Variants in CREBBP observed in about 807,000 individuals in gnomAD.
CREBBP encodes CREB-binding protein.
In CREBBP, 19 loss-of-function variants were observed where a neutral mutation model predicts 265.0. That is an observed-to-expected ratio of 0.07 (90% CI 0.05 to 0.11). The LOEUF (loss-of-function observed/expected upper bound fraction) is 0.11, where lower values mean the gene tolerates loss of function less well. CREBBP is among the 10% of genes least tolerant of loss of function. The pLI is 1.00. For synonymous variants in CREBBP, 1,457 were observed against 1,223.7 expected (o/e 1.19, Z -3.98); for missense variants, 2,525 against 3,219.0 (o/e 0.78, Z 5.22).
intron 2 of CREBBP, among the ~76,000 whole-genome samples, chr16:3,812,149 C>T (rs1271286314): frequency 6.6e-6 from 1 of 151,904 alleles, no homozygotes; most frequent in East Asian, 1.9e-4. Context: ...TTATAGTATC[C>T]TCTCTACCAC....
In CREBBP at chr16:3,728,206, C is replaced by A. The variant is rs866381658; in HGVS notation, c.6841G>T (p.Ala2281Ser). The change falls in exon 31 of 31, where the codon GCA becomes TCA. Residue 2281 changes from alanine to serine, a missense_variant. Transcript: ENST00000262367. This position sits in a 1 kb window ranked among gnomAD's most constrained non-coding sequence, Gnocchi z 8.7. ...TGCTGGATGTTGGGGGTGCTGTCTGCCCCCAGCCCCGGCTGCCCCATCTGG... is the reference window on the plus strand; with the variant it reads ...TGCTGGATGTTGGGGGTGCTGTCTGACCCCAGCCCCGGCTGCCCCATCTGG... ...LGQMGQPGLG[A>S]DSTPNIQQAL... 6.2e-7 allele frequency: 1 copy of A among 1,613,678 alleles called. No individual in the cohort carries two copies. The highest frequency in any genetic ancestry group is 1.3e-5 in the African/African-American group (1 of 75,026).
In CREBBP at chr16:3,828,532, C is replaced by A. The variant is rs146574414; in HGVS notation, c.799-17753G>T. ...TCTAAAAAGGAATAAGCAGTAAATT[C>A]TTTCATTTGACAAAAATACTCCTGG... On this transcript the variant is annotated intron_variant, in intron 2 of 30. Coordinates refer to ENST00000262367, the MANE Select transcript of CREBBP (RefSeq NM_004380.3). 1.3e-3 allele frequency among the ~76,000 whole-genome samples: 193 copies of A among 152,324 alleles called. 4 individuals are homozygous for A. In the East Asian group the frequency reaches 0.033, roughly 26 times the overall value.
Position 3,792,206 on chromosome 16 carries a change from A to C in CREBBP, c.1217-112T>G. The C allele has an allele frequency of 3.3e-6, 3 of 910,714 alleles. No homozygotes were observed. The East Asian group carries it at 7.6e-5, about 23-fold the overall frequency. 56.4% of individuals were successfully genotyped at this position (910,714 alleles called of 1,614,324 possible). A position where few individuals can be genotyped will look rare whatever the true frequency, so the allele number is the denominator to read the frequency against. The stretch of plus-strand genomic sequence containing the variant: ...TAAGAAAATGGTAACAAGTGTAACC[A>C]TAACACAGTATAGGCAGTCCTCAAC... On this transcript the variant is annotated intron_variant, in intron 4 of 30. Coordinates refer to ENST00000262367, the MANE Select transcript of CREBBP (RefSeq NM_004380.3).
intron 2 of CREBBP, among the ~76,000 whole-genome samples, chr16:3,849,441 GTGTGTGTGTGT>G (rs1567360471): frequency 0.016 from 285 of 17,944 alleles, 14 homozygotes; most frequent in South Asian, 0.03. Context: ...GTGTGTGTGT[GTGTGTGTGTGT>G]GTGTGTGTGT....
chr16:3,843,944 C>T (rs898926506), intron 2 of CREBBP, among the ~76,000 whole-genome samples: 9 of 151,060 alleles, frequency 6.0e-5, no homozygotes, highest in African/African-American at 1.7e-4. Flanking sequence ...GTCAGGAGAT[C>T]GAGACCATCC....
intron 17 of CREBBP, 108 bp from the exon 18 acceptor site, chr16:3,758,156 A>G (rs573674595): frequency 8.5e-7 from 1 of 1,170,476 alleles, no homozygotes; most frequent in East Asian, 2.5e-5. Context: ...GCACCAAAAT[A>G]ACTTCCATTC....
At chr16:3,774,006 T>G (rs1259221412) in intron 12 of CREBBP, 76 bp from the exon 13 acceptor site, 79 of 1,521,876 alleles carry the variant, frequency 5.2e-5, no homozygotes, top group Non-Finnish European at 2.3e-5. Flanking sequence ...GCCAGAATGA[T>G]CCAAGGCTTC....
chr16:3,773,531 C>A, intron 13 of CREBBP: 1 of 566,318 alleles, frequency 1.8e-6, no homozygotes. Flanking sequence ...AAATCCATTC[C>A]CACTTTTGCA....
intron 10 of CREBBP, 133 bp from the exon 11 acceptor site, chr16:3,777,790 T>G (rs2053179635): frequency 3.5e-6 from 4 of 1,132,378 alleles, no homozygotes; most frequent in Non-Finnish European, 3.9e-6. Flanking sequence ...CAAAAGCACG[T>G]GTGTTCCAAT....
rs747940865 is a variant in CREBBP at position 3,845,614 on chromosome 16, G to A, written c.798+4683C>T. Among the ~76,000 whole-genome samples the A allele has an allele frequency of 5.3e-5, 8 of 152,202 alleles. No homozygotes were observed. In the East Asian group the frequency reaches 7.7e-4, roughly 15 times the overall value. ...TTAAAGATTCAAGGAGGCCAGACACGGTGGCTCACGCCTGCAATCCCAGCA... is the reference window on the plus strand; with the variant it reads ...TTAAAGATTCAAGGAGGCCAGACACAGTGGCTCACGCCTGCAATCCCAGCA... On this transcript the variant is annotated intron_variant, in intron 2 of 30. Transcript: ENST00000262367.
chr16:3,738,464 G>A (rs1033919144), intron 26 of CREBBP, 95 bp downstream of exon 26: 34 of 790,984 alleles, frequency 4.3e-5, no homozygotes, highest in African/African-American at 3.5e-4. Flanking sequence ...AAATAAAAAC[G>A]CATAAAACTT....
Position 3,749,539 on chromosome 16 carries a change from G to A in CREBBP, c.3836+88C>T, listed in dbSNP as rs1278225976. On this transcript the variant is annotated intron_variant, in intron 21 of 30. Coordinates refer to ENST00000262367, the MANE Select transcript of CREBBP (RefSeq NM_004380.3). ...CCACTTACGGCAACATATTTCCAATGTTTTTACCCACAACCCACTCCATAA... is the reference window on the plus strand; with the variant it reads ...CCACTTACGGCAACATATTTCCAATATTTTTACCCACAACCCACTCCATAA... 4 of 853,090 alleles carry A rather than the reference G, an allele frequency of 4.7e-6. No homozygotes were observed. In the South Asian group the frequency reaches 6.0e-5, roughly 13 times the overall value. 52.8% of individuals were successfully genotyped at this position (853,090 alleles called of 1,614,324 possible). A position where few individuals can be genotyped will look rare whatever the true frequency, so the allele number is the denominator to read the frequency against.
intron 16 of CREBBP, 94 bp downstream of exon 16, chr16:3,767,626 T>A (rs747476241): frequency 2.0e-6 from 3 of 1,532,214 alleles, no homozygotes; most frequent in Non-Finnish European, 2.7e-6. Context: ...GCAGATAGAA[T>A]TATGTTTCTA....
At chr16:3,748,954 T>C (rs570239630) in intron 21 of CREBBP, among the ~76,000 whole-genome samples, 1 of 152,308 alleles carries the variant, frequency 6.6e-6, no homozygotes, top group Admixed American at 6.5e-5. Context: ...GAGACCATCC[T>C]GGCTAACACA....
chr16:3,861,758 CTTT>C (rs200213588), intron 1 of CREBBP, among the ~76,000 whole-genome samples: 1 of 136,860 alleles, frequency 7.3e-6, no homozygotes. Context: ...AGACATCTAA[CTTT>C]TTTTTTTTTT....
chr16:3,840,325 G>A (rs1166279884), intron 2 of CREBBP, among the ~76,000 whole-genome samples: 1 of 152,150 alleles, frequency 6.6e-6, no homozygotes, highest in Non-Finnish European at 1.5e-5. Flanking sequence ...CAGCCAAGAC[G>A]GCAGTCGGCT....
chr16:3,769,048 C>T (rs965476841), intron 15 of CREBBP, 126 bp downstream of exon 15: 7 of 1,109,158 alleles, frequency 6.3e-6, no homozygotes, highest in South Asian at 3.9e-5. Context: ...AAACCCCGAA[C>T]CCACATTCAA....
chr16:3,832,612 G>C (rs544550896), intron 2 of CREBBP, among the ~76,000 whole-genome samples: 1 of 152,216 alleles, frequency 6.6e-6, no homozygotes, highest in East Asian at 1.9e-4. Flanking sequence ...CTGAATACTG[G>C]AGGCAACTGT....
At chr16:3,877,616 C>A (rs1016052237) in intron 1 of CREBBP, among the ~76,000 whole-genome samples, 2 of 152,238 alleles carry the variant, frequency 1.3e-5, no homozygotes, top group African/African-American at 4.8e-5. Context: ...GTTGGCCAGG[C>A]TGGTCTTGAA....
Sources: allele counts gnomAD v4.1 joint callset (sites outside exome capture counted in the v4.1 genomes callset), GRCh38; gene constraint gnomAD v4.1.1; non-coding constraint Gnocchi (gnomAD v3.1); transcripts MANE v1.5; gene names NCBI Gene and HGNC (gene_info 2026-07-23, HGNC 2026-07-21).